Variants in TBC1D1 observed in about 807,000 individuals in gnomAD.
TBC1D1 encodes TBC1 domain family member 1.
In TBC1D1, 89 loss-of-function variants were observed where a neutral mutation model predicts 125.6. That is an observed-to-expected ratio of 0.71 (90% CI 0.60 to 0.85). The LOEUF is 0.85. Ranked by LOEUF, TBC1D1 falls within the 40% of genes least tolerant of loss-of-function variation. The probability of loss-of-function intolerance (pLI) is 0.00; values close to 1 mark genes in which losing one functional copy is unlikely to be tolerated. For synonymous variants in TBC1D1, 565 were observed against 564.1 expected (o/e 1.00, Z -0.02); for missense variants, 1,377 against 1,469.2 (o/e 0.94, Z 1.03).
At chr4:38,111,464 C>G (rs1286189565) in intron 15 of TBC1D1, among the ~76,000 whole-genome samples, 1 of 152,058 alleles carries the variant, frequency 6.6e-6, no homozygotes, top group Non-Finnish European at 1.5e-5. Flanking sequence ...TTTTACATAG[C>G]TATAATAAAC....
intron 13 of TBC1D1, among the ~76,000 whole-genome samples, chr4:38,091,606 T>G (rs923668797): frequency 1.2e-4 from 19 of 152,236 alleles, no homozygotes; most frequent in Non-Finnish European, 1.6e-4. Flanking sequence ...CTGGCCAATA[T>G]TCTTGCAAAT....
chr4:38,053,695 G>A (rs1253771770), intron 11 of TBC1D1, among the ~76,000 whole-genome samples: 1 of 152,234 alleles, frequency 6.6e-6, no homozygotes, highest in Non-Finnish European at 1.5e-5. Flanking sequence ...AAATACACAC[G>A]TTAAAACAAT....
At chr4:38,119,477 A>T (rs553983253) in intron 17 of TBC1D1, among the ~76,000 whole-genome samples, 2 of 152,170 alleles carry the variant, frequency 1.3e-5, no homozygotes. Context: ...CTGGTTGAGC[A>T]TATCTTTAGT....
At chr4:38,027,559 G>GT (rs1359407080) in intron 6 of TBC1D1, among the ~76,000 whole-genome samples, 1 of 152,050 alleles carries the variant, frequency 6.6e-6, no homozygotes, top group East Asian at 1.9e-4. Context: ...ACCCTGGGAG[G>GT]TTGAGGCTCG....
intron 15 of TBC1D1, among the ~76,000 whole-genome samples, chr4:38,105,224 A>C (rs905150391): frequency 6.6e-6 from 1 of 152,038 alleles, no homozygotes; most frequent in Non-Finnish European, 1.5e-5. Context: ...TTATCTGCTT[A>C]TTATCATCAC....
rs961887329 is a variant in TBC1D1, at chr4:37,919,478, G to A, written c.417+16966G>A. Among the ~76,000 whole-genome samples the A allele has an allele frequency of 7.2e-5, 11 of 151,784 alleles. No individual in the cohort carries two copies. In the East Asian group the frequency reaches 7.7e-4, roughly 11 times the overall value. On this transcript the variant is annotated intron_variant, in intron 2 of 19. Transcript: ENST00000261439. ...TGGGATTACAGACATAAGCCACCGC[G>A]CCTGGCTAAGGTTATATATTTTAAT...
chr4:38,068,635 A>G (rs1754157302), intron 12 of TBC1D1, among the ~76,000 whole-genome samples: 1 of 152,232 alleles, frequency 6.6e-6, no homozygotes, highest in Non-Finnish European at 1.5e-5. Context: ...CAACAGCCAC[A>G]TATCACTATT....
chr4:38,033,110 C>T (rs1463728620), intron 7 of TBC1D1, among the ~76,000 whole-genome samples: 2 of 152,040 alleles, frequency 1.3e-5, no homozygotes, highest in Non-Finnish European at 2.9e-5. Context: ...TATACTGTTC[C>T]CAGTTGGTCT....
intron 12 of TBC1D1, among the ~76,000 whole-genome samples, chr4:38,081,064 G>A (rs1021251601): frequency 2.1e-4 from 32 of 152,152 alleles, no homozygotes; most frequent in Admixed American, 1.7e-3. Context: ...CGAGAGTTGC[G>A]TGGCTCCCGG....
chr4:37,892,373 G>A lies in TBC1D1; in HGVS notation c.-94+1025G>A, dbSNP rs182113297. 5.9e-5 allele frequency among the ~76,000 whole-genome samples: 9 copies of A among 152,138 alleles called. No homozygotes were observed. In the East Asian group the frequency reaches 1.7e-3, roughly 29 times the overall value. ...CGAGGCCATAGTGAGCTATGACTGT[G>A]CCACCTCACTGGAGCCTGGGTGACA... On this transcript the variant is annotated intron_variant, in intron 1 of 19. Transcript: ENST00000261439.
rs370637398 is a variant in TBC1D1 at position 37,927,169 on chromosome 4, CT to C, written c.417+24658del. 6.7e-3 allele frequency among the ~76,000 whole-genome samples: 1,019 copies of C among 152,148 alleles called. 10 individuals carry two copies. Among genetic ancestry groups the C allele is most frequent in the African/African-American group, 0.022 (927 of 41,514 alleles). ...ATATTACTGTTGTAAGTATTAACAGCTATTCAAATTAACACAGACTTCTAAT... is the reference window on the plus strand; with the variant it reads ...ATATTACTGTTGTAAGTATTAACAGCATTCAAATTAACACAGACTTCTAAT... On this transcript the variant is annotated intron_variant, in intron 2 of 19. Transcript: ENST00000261439.
intron 12 of TBC1D1, among the ~76,000 whole-genome samples, chr4:38,084,458 C>T (rs1757132543): frequency 6.6e-6 from 1 of 152,266 alleles, no homozygotes; most frequent in African/African-American, 2.4e-5. Context: ...ACACAGAAAT[C>T]TCTGCCTCCT....
At chr4:38,018,304 C>A in intron 3 of TBC1D1, 50 bp from the exon 4 acceptor site, 2 of 1,307,460 alleles carry the variant, frequency 1.5e-6, no homozygotes, top group South Asian at 2.5e-5. Context: ...TTTCATAGGT[C>A]ATGAAATGAG....
chr4:37,986,882 G>A (rs1476418758), intron 2 of TBC1D1, among the ~76,000 whole-genome samples: 1 of 152,298 alleles, frequency 6.6e-6, no homozygotes, highest in Middle Eastern at 3.4e-3. Flanking sequence ...TCTGCAGCCT[G>A]GTAGGACCAA....
chr4:38,037,673 G>A (rs1458573673), intron 8 of TBC1D1, among the ~76,000 whole-genome samples: 1 of 152,212 alleles, frequency 6.6e-6, no homozygotes, highest in African/African-American at 2.4e-5. Flanking sequence ...GTAGGATCAT[G>A]GCTTTGACAA....
chr4:37,977,050 A>G lies in TBC1D1; in HGVS notation c.418-37459A>G, dbSNP rs1046121833. 6.6e-6 allele frequency among the ~76,000 whole-genome samples: 1 copy of G among 152,110 alleles called. No individual in the cohort carries two copies. Among genetic ancestry groups the G allele is most frequent in the East Asian group, 1.9e-4 (1 of 5,170 alleles). ...CTGGGGCTTTTGTGGAACCTCGGAG[A>G]GGGAGGAATTCTTAGATTTCTGAAA... On this transcript the variant is annotated intron_variant, in intron 2 of 19. Transcript: ENST00000261439. This position sits in a 1 kb window ranked among gnomAD's most constrained non-coding sequence, Gnocchi z 4.3.
chr4:38,053,222 A>T (rs1751070045), intron 11 of TBC1D1: 2 of 1,511,432 alleles, frequency 1.3e-6, no homozygotes, highest in African/African-American at 1.4e-5. Flanking sequence ...ATGAACACAA[A>T]AAGGTAGGGC....
intron 2 of TBC1D1, among the ~76,000 whole-genome samples, chr4:37,993,018 G>A (rs1388960540): frequency 2.0e-5 from 3 of 151,846 alleles, no homozygotes; most frequent in African/African-American, 4.8e-5. Context: ...TAGCCAGGAC[G>A]GTCTCGAACT....
intron 2 of TBC1D1, among the ~76,000 whole-genome samples, chr4:37,928,820 T>C (rs923331104): frequency 6.6e-6 from 1 of 152,248 alleles, no homozygotes; most frequent in Non-Finnish European, 1.5e-5. Context: ...GTTATAACTT[T>C]GAAAAATCCA....
Sources: allele counts gnomAD v4.1 joint callset (sites outside exome capture counted in the v4.1 genomes callset), GRCh38; gene constraint gnomAD v4.1.1; non-coding constraint Gnocchi (gnomAD v3.1); transcripts MANE v1.5; gene names NCBI Gene and HGNC (gene_info 2026-07-23, HGNC 2026-07-21).